The following CACNA2D3 variants were observed in gnomAD, a reference collection of about 807,000 sequenced individuals.
CACNA2D3 encodes the protein calcium voltage-gated channel auxiliary subunit alpha2delta 3.
Under a neutral mutation model 160.6 loss-of-function variants are expected in CACNA2D3, and 60 were observed. That is an observed-to-expected ratio of 0.37 (90% CI 0.30 to 0.46). The LOEUF (loss-of-function observed/expected upper bound fraction) is 0.46. CACNA2D3 is among the 20% of genes least tolerant of loss of function. The probability of loss-of-function intolerance (pLI) is 1.00; values close to 1 mark genes in which losing one functional copy is unlikely to be tolerated. For missense variants in CACNA2D3, 1,205 were observed against 1,365.0 expected (o/e 0.88, Z 1.85); for synonymous variants, 558 against 492.9 (o/e 1.13, Z -1.75).
intron 34 of CACNA2D3, among the ~76,000 whole-genome samples, chr3:55,015,601 A>G (rs1703311705): frequency 6.6e-6 from 1 of 152,252 alleles, no homozygotes; most frequent in Non-Finnish European, 1.5e-5. Context: ...TTGAAATTCA[A>G]ATAATTTAAA....
chr3:54,570,895 C>T lies in CACNA2D3; in HGVS notation c.888+791C>T, dbSNP rs554803733. Reference sequence around the variant, plus strand: ...TGCAAAATATTTGAAGAGATTTATTCTGAGCCAAATATGAGTGACCATGGC... The same window carrying T: ...TGCAAAATATTTGAAGAGATTTATTTTGAGCCAAATATGAGTGACCATGGC... On this transcript the variant is annotated intron_variant, in intron 8 of 37. Coordinates refer to ENST00000474759, the MANE Select transcript of CACNA2D3 (RefSeq NM_018398.3). Among the ~76,000 whole-genome samples, 161 of 152,244 alleles carry T rather than the reference C, an allele frequency of 1.1e-3. 1 individual carries two copies. Among genetic ancestry groups the T allele is most frequent in the African/African-American group, 3.7e-3 (152 of 41,526 alleles).
chr3:54,611,542 G>A (rs76133819), intron 9 of CACNA2D3, among the ~76,000 whole-genome samples: 2,390 of 152,244 alleles, frequency 0.016, 65 homozygotes, highest in African/African-American at 0.054. Flanking sequence ...CTAAAATGCT[G>A]ACTGGAAGGG....
At chr3:54,956,438 T>C (rs1701894933) in intron 27 of CACNA2D3, among the ~76,000 whole-genome samples, 1 of 152,216 alleles carries the variant, frequency 6.6e-6, no homozygotes, top group Non-Finnish European at 1.5e-5. Flanking sequence ...AACCTTCCTG[T>C]CTTTGTCTTT....
chr3:54,750,825 A>G (rs1454891280), intron 11 of CACNA2D3, among the ~76,000 whole-genome samples: 2 of 150,862 alleles, frequency 1.3e-5, no homozygotes, highest in East Asian at 3.9e-4. Context: ...GCTGGAGTGC[A>G]GTGGCGCAAA....
Position 54,828,759 on chromosome 3 carries a change from A to G in CACNA2D3, c.1399-8400A>G, listed in dbSNP as rs892490718. On this transcript the variant is annotated intron_variant, in intron 14 of 37. Transcript: ENST00000474759. ...AAGAGGGAAATCTGTTTACTTTTGT[A>G]TTTAAACAAGTTAAAATGCAGTGAA... 2.0e-5 allele frequency among the ~76,000 whole-genome samples: 3 copies of G among 152,216 alleles called. No individual in the cohort carries two copies. In the East Asian group the frequency reaches 5.8e-4, roughly 29 times the overall value.
At chr3:55,072,421 G>A (rs1704831663) in intron 35 of CACNA2D3, among the ~76,000 whole-genome samples, 1 of 152,182 alleles carries the variant, frequency 6.6e-6, no homozygotes, top group Non-Finnish European at 1.5e-5. Flanking sequence ...GTCCCATAAA[G>A]CAGAAGAACT....
intron 11 of CACNA2D3, among the ~76,000 whole-genome samples, chr3:54,646,190 C>CCCTG (rs1699644463): frequency 7.6e-4 from 12 of 15,710 alleles, no homozygotes; most frequent in African/African-American, 1.9e-3. Flanking sequence ...CTCCCTCCTT[C>CCCTG]CTTGCTTCCT....
chr3:54,418,352 G>T (rs1699787557), intron 4 of CACNA2D3, among the ~76,000 whole-genome samples: 1 of 152,114 alleles, frequency 6.6e-6, no homozygotes, highest in South Asian at 2.1e-4. Context: ...AAAGCCTTTT[G>T]TCTTGTTCTA....
chr3:54,150,250 T>C (rs1404111987), intron 2 of CACNA2D3, among the ~76,000 whole-genome samples: 4 of 152,162 alleles, frequency 2.6e-5, no homozygotes, highest in Non-Finnish European at 4.4e-5. Context: ...ACTGAATTTG[T>C]CATTTTCTAG....
At chr3:54,693,825 A>G (rs548764478) in intron 11 of CACNA2D3, among the ~76,000 whole-genome samples, 48 of 152,294 alleles carry the variant, frequency 3.2e-4, no homozygotes, top group South Asian at 2.3e-3. Flanking sequence ...TAAAAGTAGA[A>G]AAAAGCTAAT....
intron 4 of CACNA2D3, among the ~76,000 whole-genome samples, chr3:54,500,508 C>CCTTCCTTT (rs1701272578): frequency 1.1e-5 from 1 of 90,188 alleles, no homozygotes; most frequent in South Asian, 4.1e-4. Flanking sequence ...TTCCTATCTT[C>CCTTCCTTT]CTTCCTTCCT....
In CACNA2D3 at chr3:54,774,364, G is replaced by A. The variant is rs1033533251; in HGVS notation, c.1380+10013G>A. Among the ~76,000 whole-genome samples the A allele has an allele frequency of 3.9e-5, 6 of 152,160 alleles. No individual in the cohort carries two copies. In the South Asian group the frequency reaches 1.2e-3, roughly 32 times the overall value. On this transcript the variant is annotated intron_variant, in intron 13 of 37. Coordinates refer to ENST00000474759, the MANE Select transcript of CACNA2D3 (RefSeq NM_018398.3). ...AATCATCGTGGAAGGCAAAGGGGAA[G>A]CAGGCATGTCCTATATGACTGGAGC...
chr3:55,008,886 T>TACACACACACAC (rs1491125549), intron 33 of CACNA2D3, among the ~76,000 whole-genome samples: 66 of 53,346 alleles, frequency 1.2e-3, no homozygotes, highest in Admixed American at 1.9e-3. Flanking sequence ...CACCTCCCTC[T>TACACACACACAC]ATACACACAC....
intron 2 of CACNA2D3, among the ~76,000 whole-genome samples, chr3:54,188,228 A>AAAACAAACAAAC (rs138439909): frequency 1.8e-3 from 270 of 150,340 alleles, no homozygotes; most frequent in Middle Eastern, 0.01. Flanking sequence ...GGAGAACTTA[A>AAAACAAACAAAC]AAACAAACAA....
At chr3:54,960,809 C>A (rs989541121) in intron 27 of CACNA2D3, among the ~76,000 whole-genome samples, 5 of 152,288 alleles carry the variant, frequency 3.3e-5, no homozygotes, top group Non-Finnish European at 7.3e-5. Context: ...AACATCTTCA[C>A]ATGAAATATT....
intron 5 of CACNA2D3, among the ~76,000 whole-genome samples, chr3:54,554,870 C>CTTTTTTTTTTTTTTTT (rs66526065): frequency 1.0e-4 from 10 of 96,134 alleles, no homozygotes; most frequent in African/African-American, 2.5e-4. Context: ...CTCTCACTCT[C>CTTTTTTTTTTTTTTTT]TTTTTTTTTT....
At chr3:54,287,294 G>T (rs1402514604) in intron 2 of CACNA2D3, among the ~76,000 whole-genome samples, 2 of 151,998 alleles carry the variant, frequency 1.3e-5, no homozygotes, top group African/African-American at 4.8e-5. Flanking sequence ...TCTGATAAAA[G>T]ACTTTAAACC....
chr3:54,822,779 T>TTTCC (rs1703647127), intron 14 of CACNA2D3, among the ~76,000 whole-genome samples: 1 of 87,954 alleles, frequency 1.1e-5, no homozygotes, highest in Non-Finnish European at 2.3e-5. Context: ...TCTTTCTTTC[T>TTTCC]TTCTTTCTTT....
rs1700652213 is a variant in CACNA2D3, at chr3:54,175,214, G to A, written c.204+51620G>A. 2.0e-5 allele frequency among the ~76,000 whole-genome samples: 3 copies of A among 152,090 alleles called. No individual in the cohort carries two copies. In the South Asian group the frequency reaches 6.2e-4, roughly 32 times the overall value. ...TTAAAATGCTTTTGAAGTGAAAGGG[G>A]GCCCCATTGTGTAAGTGTTCATAGT... is the stretch of plus-strand genomic sequence containing the variant. On this transcript the variant is annotated intron_variant, in intron 2 of 37. Transcript: ENST00000474759.
Sources: gnomAD v4.1 joint callset for allele counts (sites outside exome capture counted in the v4.1 genomes callset) on GRCh38, gnomAD v4.1.1 for gene constraint, MANE v1.5 for transcripts, NCBI Gene and HGNC (gene_info 2026-07-23, HGNC 2026-07-21) for gene names.